Variants in TIMM10B observed in about 807,000 individuals in gnomAD.
The protein encoded by TIMM10B is translocase of inner mitochondrial membrane 10B.
A neutral mutation model predicts 12.6 loss-of-function variants in TIMM10B; 17 were observed. That is an observed-to-expected ratio of 1.35 (90% CI 0.92 to 2.03). The LOEUF (loss-of-function observed/expected upper bound fraction) is 2.03, where lower values mean the gene tolerates loss of function less well. Among genes scored for constraint, TIMM10B ranks in the 30% most tolerant of loss-of-function variants. The pLI is 0.00. For synonymous variants in TIMM10B, 63 were observed against 51.3 expected (o/e 1.23, Z -0.97); for missense variants, 165 against 133.3 (o/e 1.24, Z -1.17).
Position 6,481,507 on chromosome 11 carries a change from C to T in TIMM10B, c.-10C>T, listed in dbSNP as rs568485263. ...AACGGAAGTGGCGTACGGCATGCGC[C>T]GGTGGCGTGATGGAGCGGCAGCAGC... On this transcript the variant is annotated 5_prime_UTR_variant, in exon 1 of 3. Transcript: ENST00000254616. 2.0e-4 allele frequency: 315 copies of T among 1,613,012 alleles called. 3 individuals are homozygous for T. The South Asian group carries it at 3.3e-3, about 17-fold the overall frequency.
chr11:6,481,862 T>C lies in TIMM10B; in HGVS notation c.135+10T>C, dbSNP rs1326164048. 2 of 1,613,496 alleles carry C rather than the reference T, an allele frequency of 1.2e-6. No individual in the cohort carries two copies. The highest frequency in any genetic ancestry group is 1.7e-5 in the Admixed American group (1 of 60,016). On this transcript the variant is annotated intron_variant, in intron 2 of 2. Transcript: ENST00000254616. ...TCTGGACGCTGAGGAGGTGGGGAAC[T>C]GTGTAGGGAGGTTACGCTGCAAGAA...
At position 6,482,379 on chromosome 11, in the gene TIMM10B, A is replaced by C; in HGVS notation, c.*158A>C. On this transcript the variant is annotated 3_prime_UTR_variant, in exon 3 of 3. Coordinates refer to ENST00000254616, the MANE Select transcript of TIMM10B (RefSeq NM_012192.4). ...CCTGGAGCCAATATACCCAGTTTTT[A>C]CTCAGTTTGATTTATATTCTGGGCA... The C allele has an allele frequency of 3.1e-6, 2 of 646,384 alleles. No homozygotes were observed. 40.0% of individuals were successfully genotyped at this position (646,384 alleles called of 1,614,324 possible).
rs1222930501 is a variant in TIMM10B at position 6,481,761 on chromosome 11, G to T, written c.44G>T (p.Arg15Leu). 6.2e-7 allele frequency: 1 copy of T among 1,613,980 alleles called. No homozygotes were observed. Among genetic ancestry groups the T allele is most frequent in the Non-Finnish European group, 8.5e-7 (1 of 1,180,054 alleles). Residue 15 changes from arginine to leucine, a missense_variant, in exon 2 of 3, where the codon CGT becomes CTT. Physicochemically the swap from Arg to Leu is moderately radical, Grantham distance 102. Coordinates refer to ENST00000254616, the MANE Select transcript of TIMM10B (RefSeq NM_012192.4). ...QQQQQQLRNL[R>L]DFLLVYNRMT... ...GTGGTCCCCCTTTTCTCTCAGCTGC[G>T]TGACTTCCTGTTGGTCTACAATCGG...
chr11:6,481,909 CCCT>C (rs200479340), intron 2 of TIMM10B, 57 bp downstream of exon 2: 18,904 of 1,605,676 alleles, frequency 0.012, 180 homozygotes, highest in South Asian at 0.029. Context: ...TAGACTGCTT[CCCT>C]CCTCACCCCA....
rs1460338334 is a variant in TIMM10B, at chr11:6,482,232, C to T, written c.*11C>T. Reference sequence around the variant, plus strand: ...CCATCAGGCAGCTAGCCATACCCAACCCCAGGAAGGAAGGCCTTGGATGGA... The same window carrying T: ...CCATCAGGCAGCTAGCCATACCCAATCCCAGGAAGGAAGGCCTTGGATGGA... On this transcript the variant is annotated 3_prime_UTR_variant, in exon 3 of 3. Transcript: ENST00000254616. 6 of 1,594,386 alleles carry T rather than the reference C, an allele frequency of 3.8e-6. No homozygotes were observed. The highest frequency in any genetic ancestry group is 1.7e-5 in the Admixed American group (1 of 59,710).
rs759001827 is a variant in TIMM10B, at chr11:6,482,211, C to G, written c.302C>G (p.Ser101Ter). The change falls in exon 3 of 3, where the codon TCA becomes TGA. Residue 101 changes from serine (S) to a stop codon, truncating the protein, a stop_gained. Transcript: ENST00000254616. LOFTEE classifies it high-confidence loss of function. ...VAAEQPGVSP[S>*]GS Reference sequence around the variant, plus strand: ...GCTGAACAGCCTGGGGTCTCTCCATCAGGCAGCTAGCCATACCCAACCCCA... The same window carrying G: ...GCTGAACAGCCTGGGGTCTCTCCATGAGGCAGCTAGCCATACCCAACCCCA... The G allele has an allele frequency of 4.4e-6, 7 of 1,605,338 alleles. No individual in the cohort carries two copies. In the Admixed American group the frequency reaches 6.7e-5, roughly 15 times the overall value.
chr11:6,484,516 G>C lies in TIMM10B; in HGVS notation c.*2295G>C, dbSNP rs1589858901. Reference sequence around the variant, plus strand: ...TTGCTGACTAGGACCTTACCCACAGGGTGGCACTCTGTCCTTGGGAAATAT... The same window carrying C: ...TTGCTGACTAGGACCTTACCCACAGCGTGGCACTCTGTCCTTGGGAAATAT... On this transcript the variant is annotated 3_prime_UTR_variant, in exon 3 of 3. Transcript: ENST00000254616. The C allele has an allele frequency of 6.6e-6, 1 of 152,168 alleles. No individual in the cohort carries two copies. Among genetic ancestry groups the C allele is most frequent in the Non-Finnish European group, 1.5e-5 (1 of 68,038 alleles). 9.4% of individuals were successfully genotyped at this position (152,168 alleles called of 1,614,324 possible).
Position 6,481,680 on chromosome 11 carries a change from G to A in TIMM10B, c.40-77G>A, listed in dbSNP as rs1225567484. The A allele has an allele frequency of 6.9e-6, 11 of 1,602,954 alleles. No individual in the cohort carries two copies. The East Asian group carries it at 2.2e-4, about 33-fold the overall frequency. ...TTCGGGCTATGGCGCGCGGGCCTGGGAAACTTTGGGCGGCGCGACCTTGAC... is the reference window on the plus strand; with the variant it reads ...TTCGGGCTATGGCGCGCGGGCCTGGAAAACTTTGGGCGGCGCGACCTTGAC... On this transcript the variant is annotated intron_variant, in intron 1 of 2. Transcript: ENST00000254616.
rs1851777182 is a variant in TIMM10B, at chr11:6,481,585, A to G, written c.39+30A>G. The G allele has an allele frequency of 3.8e-6, 6 of 1,588,664 alleles. 1 individual carries two copies. The African/African-American group carries it at 5.4e-5, about 14-fold the overall frequency. Reference sequence around the variant, plus strand: ...GTGAGAACTAAGTCGTTTCGAGGCCAGACGTTCAGCTCGCATTCCTGCACA... The same window carrying G: ...GTGAGAACTAAGTCGTTTCGAGGCCGGACGTTCAGCTCGCATTCCTGCACA... On this transcript the variant is annotated intron_variant, in intron 1 of 2. Coordinates refer to ENST00000254616, the MANE Select transcript of TIMM10B (RefSeq NM_012192.4).
At position 6,482,043 on chromosome 11, in the gene TIMM10B, A is replaced by G. The variant is rs1384328439; in HGVS notation, c.136-2A>G. On this transcript the variant is annotated splice_acceptor_variant, in intron 2 of 2. Transcript: ENST00000254616. LOFTEE classifies it high-confidence loss of function. ...TCCACTTAAACCCTATCTTCCTTCT[A>G]GGAGGCCTGTCTGCACAGCTGTGCT... The G allele has an allele frequency of 1.2e-6, 2 of 1,611,000 alleles. No individual in the cohort carries two copies. The highest frequency in any genetic ancestry group is 8.5e-7 in the Non-Finnish European group (1 of 1,177,630).
Position 6,482,397 on chromosome 11 carries a change from T to C in TIMM10B, c.*176T>C, listed in dbSNP as rs1178764210. On this transcript the variant is annotated 3_prime_UTR_variant, in exon 3 of 3. Transcript: ENST00000254616. ...AGTTTTTACTCAGTTTGATTTATAT[T>C]CTGGGCAAGGAAGCTTTGCCTACTT... is the stretch of plus-strand genomic sequence containing the variant. 1 of 604,718 alleles carries C rather than the reference T, an allele frequency of 1.7e-6. No individual in the cohort carries two copies. The highest frequency in any genetic ancestry group is 2.8e-5 in the East Asian group (1 of 35,986). 37.5% of individuals were successfully genotyped at this position (604,718 alleles called of 1,614,324 possible). A position where few individuals can be genotyped will look rare whatever the true frequency, so the allele number is the denominator to read the frequency against.
rs755909375 is a variant in TIMM10B, at chr11:6,481,530, A to G, written c.14A>G (p.Gln5Arg). 2.8e-5 allele frequency: 45 copies of G among 1,612,020 alleles called. No individual in the cohort carries two copies. The African/African-American group carries it at 4.5e-4, about 16-fold the overall frequency. The change falls in exon 1 of 3, where the codon CAG (glutamine) becomes CGG (arginine). Residue 5 changes from glutamine (Q) to arginine (R), a missense_variant. By Grantham distance (43) the Gln-to-Arg change is conservative (BLOSUM62 1). Transcript: ENST00000254616. ...GCCGGTGGCGTGATGGAGCGGCAGC[A>G]GCAGCAGCAACAGCAACTGCGAAAC... MERQ[Q>R]QQQQQLRNLR...
At chr11:6,481,997 C>T (rs1396438103) in intron 2 of TIMM10B, 48 bp from the exon 3 acceptor site, 1 of 1,595,972 alleles carries the variant, frequency 6.3e-7, no homozygotes, top group Admixed American at 1.7e-5. Flanking sequence ...AGGAGGCGGA[C>T]CCGACAGGGC....
rs759542627 is a variant in TIMM10B, at chr11:6,482,175, C to T, written c.266C>T (p.Pro89Leu). ...GACTACGAGGCTGCCTCGGCTGTGC[C>T]AGGCGTTGCTGCTGAACAGCCTGGG... ...IADYEAASAV[P>L]GVAAEQPGVS... Residue 89 changes from proline (P) to leucine (L), a missense_variant, in exon 3 of 3, where the codon CCA becomes CTA. By Grantham distance (98) the Pro-to-Leu change is moderately conservative. Transcript: ENST00000254616. The T allele has an allele frequency of 1.2e-6, 2 of 1,610,916 alleles. No individual in the cohort carries two copies. The highest frequency in any genetic ancestry group is 1.7e-5 in the Admixed American group (1 of 60,012).
chr11:6,482,373 GT>G lies in TIMM10B; in HGVS notation c.*157del. The G allele has an allele frequency of 1.5e-6, 1 of 659,984 alleles. No individual in the cohort carries two copies. The highest frequency in any genetic ancestry group is 2.5e-6 in the Non-Finnish European group (1 of 395,982). 40.9% of individuals were successfully genotyped at this position (659,984 alleles called of 1,614,324 possible). ...CCTTTTCCTGGAGCCAATATACCCAGTTTTTACTCAGTTTGATTTATATTCT... is the reference window on the plus strand; with the variant it reads ...CCTTTTCCTGGAGCCAATATACCCAGTTTTACTCAGTTTGATTTATATTCT... On this transcript the variant is annotated 3_prime_UTR_variant, in exon 3 of 3. Transcript: ENST00000254616.
chr11:6,482,274 C>G lies in TIMM10B; in HGVS notation c.*53C>G. The G allele has an allele frequency of 6.6e-7, 1 of 1,523,860 alleles. No individual in the cohort carries two copies. Among genetic ancestry groups the G allele is most frequent in the Non-Finnish European group, 8.9e-7 (1 of 1,124,564 alleles). The allele number at this position is 1,523,860 out of a possible 1,614,324, so 94.4% of individuals were successfully genotyped here. A position where few individuals can be genotyped will look rare whatever the true frequency, so the allele number is the denominator to read the frequency against. ...TTGGATGGACCCTCAGATTGAAGGACCCGGTGGACCTTGGGGTTGGTGAAT... is the reference window on the plus strand; with the variant it reads ...TTGGATGGACCCTCAGATTGAAGGAGCCGGTGGACCTTGGGGTTGGTGAAT... On this transcript the variant is annotated 3_prime_UTR_variant, in exon 3 of 3. Coordinates refer to ENST00000254616, the MANE Select transcript of TIMM10B (RefSeq NM_012192.4).
Position 6,484,525 on chromosome 11 carries a change from C to G in TIMM10B, c.*2304C>G, listed in dbSNP as rs1851890363. 6.6e-6 allele frequency: 1 copy of G among 152,216 alleles called. No homozygotes were observed. The highest frequency in any genetic ancestry group is 2.4e-5 in the African/African-American group (1 of 41,460). 9.4% of individuals were successfully genotyped at this position (152,216 alleles called of 1,614,324 possible). ...AGGACCTTACCCACAGGGTGGCACT[C>G]TGTCCTTGGGAAATATAAATGCAAG... On this transcript the variant is annotated 3_prime_UTR_variant, in exon 3 of 3. Transcript: ENST00000254616.
intron 1 of TIMM10B, 61 bp downstream of exon 1, chr11:6,481,616 C>T (rs1260450565): frequency 5.7e-6 from 9 of 1,573,176 alleles, no homozygotes; most frequent in South Asian, 1.1e-5. Context: ...GCACACATCG[C>T]GGGAACCCCA....
In TIMM10B at chr11:6,482,276, C is replaced by A. The variant is rs1851826286; in HGVS notation, c.*55C>A. The stretch of plus-strand genomic sequence containing the variant: ...GGATGGACCCTCAGATTGAAGGACC[C>A]GGTGGACCTTGGGGTTGGTGAATCC... On this transcript the variant is annotated 3_prime_UTR_variant, in exon 3 of 3. Coordinates refer to ENST00000254616, the MANE Select transcript of TIMM10B (RefSeq NM_012192.4). 1 of 1,506,266 alleles carries A rather than the reference C, an allele frequency of 6.6e-7. No homozygotes were observed. Among genetic ancestry groups the A allele is most frequent in the East Asian group, 2.3e-5 (1 of 43,284 alleles). 93.3% of individuals were successfully genotyped at this position (1,506,266 alleles called of 1,614,324 possible). A position where few individuals can be genotyped will look rare whatever the true frequency, so the allele number is the denominator to read the frequency against.
Sources: allele counts gnomAD v4.1 joint callset, GRCh38; gene constraint gnomAD v4.1.1; transcripts MANE v1.5; gene names NCBI Gene and HGNC (gene_info 2026-07-23, HGNC 2026-07-21).